Variants in PTPRN2 observed in about 807,000 individuals in gnomAD.
PTPRN2 encodes receptor-type tyrosine-protein phosphatase N2.
Under a neutral mutation model 118.8 loss-of-function variants are expected in PTPRN2, and 74 were observed. The observed-to-expected ratio is 0.62, with a 90% confidence interval of 0.52 to 0.76. The LOEUF (loss-of-function observed/expected upper bound fraction) is 0.76, where lower values mean the gene tolerates loss of function less well. Among genes scored for constraint, PTPRN2 ranks in the 30% least tolerant of loss-of-function variants. PTPRN2 has a pLI of 0.00. For missense variants in PTPRN2, 1,481 were observed against 1,394.4 expected, an observed-to-expected ratio of 1.06 and a Z score of -0.99; for synonymous variants, 641 against 608.0, an observed-to-expected ratio of 1.05 and a Z score of -0.80.
intron 14 of PTPRN2, among the ~76,000 whole-genome samples, chr7:157,642,826 A>AAAAAC (rs1804763965): frequency 7.2e-6 from 1 of 138,368 alleles, no homozygotes; most frequent in Non-Finnish European, 1.5e-5. Flanking sequence ...AAAAAAAAAA[A>AAAAAC]AAAAAAAAAA....
intron 12 of PTPRN2, among the ~76,000 whole-genome samples, chr7:157,687,630 A>G (rs1797263670): frequency 6.6e-6 from 1 of 152,234 alleles, no homozygotes; most frequent in Non-Finnish European, 1.5e-5. Flanking sequence ...TCAGTTTTAG[A>G]GACCATTAAT....
chr7:158,224,064 G>A (rs573059232), intron 3 of PTPRN2, among the ~76,000 whole-genome samples: 1 of 152,218 alleles, frequency 6.6e-6, no homozygotes, highest in African/African-American at 2.4e-5. Flanking sequence ...ACCACGTACA[G>A]GACCTATGTG....
At chr7:158,353,475 T>A (rs1808162691) in intron 2 of PTPRN2, among the ~76,000 whole-genome samples, 1 of 152,084 alleles carries the variant, frequency 6.6e-6, no homozygotes, top group Non-Finnish European at 1.5e-5. Flanking sequence ...GTCTTCTGAG[T>A]TCTATTAAAG....
intron 9 of PTPRN2, among the ~76,000 whole-genome samples, chr7:158,132,472 C>T (rs538828027): frequency 2.7e-5 from 4 of 150,914 alleles, no homozygotes; most frequent in East Asian, 2.0e-4. Context: ...AACACACACT[C>T]GTATACACAC....
intron 1 of PTPRN2, among the ~76,000 whole-genome samples, chr7:158,499,431 T>G (rs1200615449): frequency 6.6e-6 from 1 of 152,190 alleles, no homozygotes; most frequent in Non-Finnish European, 1.5e-5. Flanking sequence ...TTTAACAAAC[T>G]CTTTACAATT....
intron 2 of PTPRN2, among the ~76,000 whole-genome samples, chr7:158,450,328 G>A (rs750226417): frequency 6.6e-6 from 1 of 152,184 alleles, no homozygotes; most frequent in Non-Finnish European, 1.5e-5. Context: ...GTCCATAACC[G>A]CTGCCTCAGA....
At chr7:158,187,947 C>G (rs749498083) in intron 5 of PTPRN2, among the ~76,000 whole-genome samples, 1 of 152,122 alleles carries the variant, frequency 6.6e-6, no homozygotes, top group Non-Finnish European at 1.5e-5. Flanking sequence ...TTGACATGAC[C>G]GGTGCCCACG....
intron 6 of PTPRN2, among the ~76,000 whole-genome samples, chr7:158,161,002 G>T (rs1214240173): frequency 6.6e-6 from 1 of 152,002 alleles, no homozygotes. Flanking sequence ...TTGATATTTT[G>T]AGACTGTGAT....
intron 2 of PTPRN2, among the ~76,000 whole-genome samples, chr7:158,440,097 C>T (rs1816874609): frequency 6.6e-6 from 1 of 152,236 alleles, no homozygotes; most frequent in Non-Finnish European, 1.5e-5. Flanking sequence ...GTCCTCATTT[C>T]TGAGTGGACA....
rs562938210 is a variant in PTPRN2 at position 158,070,423 on chromosome 7, G to GGAC, written c.1723+10874_1723+10875insGTC. Among the ~76,000 whole-genome samples the GGAC allele has an allele frequency of 9.5e-3, 1,327 of 139,632 alleles. 70 individuals carry two copies. Among genetic ancestry groups the GGAC allele is most frequent in the African/African-American group, 0.037 (1,244 of 33,572 alleles). The allele number at this position is 139,632 out of a possible 152,430, so 91.6% of individuals were successfully genotyped here. On this transcript the variant is annotated intron_variant, in intron 11 of 22. Coordinates refer to ENST00000389418, the MANE Select transcript of PTPRN2 (RefSeq NM_002847.5). Reference sequence around the variant, plus strand: ...TGGTGGTGGACGTGCTCGTGGTGGTGGTGCTCGTGGTGGTGGAGGTGCCCG... The same window carrying GGAC: ...TGGTGGTGGACGTGCTCGTGGTGGTGGACGTGCTCGTGGTGGTGGAGGTGCCCG...
chr7:158,246,536 C>G (rs527442771), intron 3 of PTPRN2, among the ~76,000 whole-genome samples: 1 of 151,018 alleles, frequency 6.6e-6, no homozygotes, highest in South Asian at 2.2e-4. Context: ...CACAAGTCAC[C>G]GTGGGTGGTC....
At chr7:157,612,150 C>A (rs765281432) in intron 15 of PTPRN2, among the ~76,000 whole-genome samples, 1 of 152,214 alleles carries the variant, frequency 6.6e-6, no homozygotes, top group African/African-American at 2.4e-5. Flanking sequence ...GGTGCCTGCA[C>A]GGAGAAAGCG....
chr7:158,036,209 G>A (rs1228443720), intron 11 of PTPRN2, among the ~76,000 whole-genome samples: 1 of 152,068 alleles, frequency 6.6e-6, no homozygotes, highest in African/African-American at 2.4e-5. Context: ...CAACAGAAAC[G>A]TAATTGGAAG....
chr7:158,086,681 A>G (rs543603854), intron 10 of PTPRN2, among the ~76,000 whole-genome samples: 1 of 152,364 alleles, frequency 6.6e-6, no homozygotes, highest in Admixed American at 6.5e-5. Context: ...AGCTGAAACG[A>G]GAAGGCGGAG....
chr7:158,197,248 T>C (rs1053468505), intron 4 of PTPRN2, among the ~76,000 whole-genome samples: 1 of 152,190 alleles, frequency 6.6e-6, no homozygotes. Flanking sequence ...AATTTCCACT[T>C]CTGGGTATCA....
chr7:158,317,619 G>T (rs543872179), intron 2 of PTPRN2, among the ~76,000 whole-genome samples: 3 of 152,346 alleles, frequency 2.0e-5, no homozygotes, highest in Admixed American at 1.3e-4. Flanking sequence ...CAAGCTTCCT[G>T]TGGGGTTTCA....
intron 12 of PTPRN2, among the ~76,000 whole-genome samples, chr7:157,772,684 G>A (rs1422761613): frequency 6.6e-6 from 1 of 152,240 alleles, no homozygotes; most frequent in Non-Finnish European, 1.5e-5. Flanking sequence ...CGAGGCTCTC[G>A]GCATTGGGTC....
chr7:158,345,508 TAGA>T (rs927986856), intron 2 of PTPRN2, among the ~76,000 whole-genome samples: 3 of 152,028 alleles, frequency 2.0e-5, no homozygotes, highest in African/African-American at 4.8e-5. Context: ...AAGCCCCAGG[TAGA>T]AGGAGACAGG....
At chr7:157,833,895 C>T (rs767766360) in intron 12 of PTPRN2, among the ~76,000 whole-genome samples, 16 of 152,348 alleles carry the variant, frequency 1.1e-4, no homozygotes, top group East Asian at 7.7e-4. Context: ...GGGCAGCTGG[C>T]GCTGTTGGTC....
Sources: allele counts gnomAD v4.1 joint callset (sites outside exome capture counted in the v4.1 genomes callset), GRCh38; gene constraint gnomAD v4.1.1; transcripts MANE v1.5; gene names NCBI Gene and HGNC (gene_info 2026-07-23, HGNC 2026-07-21).